CCDC110: variants seen among roughly 807,000 people sequenced by gnomAD.
The protein encoded by CCDC110 is coiled-coil domain containing 110.
A neutral mutation model predicts 77.1 loss-of-function variants in CCDC110; 70 were observed. The ratio of observed to expected loss-of-function variants is 0.91; its 90% CI spans 0.75 to 1.11. CCDC110 has a LOEUF of 1.11. Ranked by LOEUF, CCDC110 falls within the 50% of genes least tolerant of loss-of-function variation. The pLI is 0.00. For missense variants in CCDC110, 868 were observed against 942.9 expected, an observed-to-expected ratio of 0.92 and a Z score of 1.04; for synonymous variants, 295 against 312.5, an observed-to-expected ratio of 0.94 and a Z score of 0.59.
At chr4:185,463,117 A>G (rs1406372150) in intron 2 of CCDC110, 68 bp from the exon 3 acceptor site, 2 of 1,219,076 alleles carry the variant, frequency 1.6e-6, no homozygotes, top group African/African-American at 3.0e-5. Flanking sequence ...CCTGTAATAG[A>G]AAGCAGTCTC....
intron 6 of CCDC110, among the ~76,000 whole-genome samples, chr4:185,450,343 C>G (rs2095627009): frequency 6.6e-6 from 1 of 152,150 alleles, no homozygotes; most frequent in African/African-American, 2.4e-5. Context: ...TTCGTGTCCT[C>G]CCATGTTCCT....
chr4:185,462,600 C>T, intron 4 of CCDC110, 43 bp downstream of exon 4: 1 of 1,474,964 alleles, frequency 6.8e-7, no homozygotes, highest in Non-Finnish European at 9.5e-7. Flanking sequence ...TGGGATGATA[C>T]TTCAAGGTGA....
chr4:185,452,888 CAAA>C (rs70962569), intron 6 of CCDC110, among the ~76,000 whole-genome samples: 149 of 67,216 alleles, frequency 2.2e-3, no homozygotes, highest in Middle Eastern at 8.9e-3. Context: ...GAGTGAGACT[CAAA>C]AAAAAAAAAA....
intron 4 of CCDC110, 60 bp from the exon 5 acceptor site, chr4:185,461,219 G>T (rs1243947864): frequency 6.2e-6 from 5 of 804,886 alleles, no homozygotes; most frequent in Non-Finnish European, 1.0e-5. Context: ...GAATGTACAG[G>T]AATAATAGAC....
At chr4:185,447,096 T>C (rs1246109497) in intron 6 of CCDC110, among the ~76,000 whole-genome samples, 2 of 152,232 alleles carry the variant, frequency 1.3e-5, no homozygotes, top group African/African-American at 2.4e-5. Context: ...CTCAAACCTG[T>C]CTTTTATGTG....
At position 185,458,238 on chromosome 4, in the gene CCDC110, A is replaced by G; in HGVS notation, c.2349T>C (p.Asn783=). 1 of 1,602,646 alleles carries G rather than the reference A, an allele frequency of 6.2e-7. No homozygotes were observed. Among genetic ancestry groups the G allele is most frequent in the Non-Finnish European group, 8.5e-7 (1 of 1,177,160 alleles). The change falls in exon 6 of 7, where the codon AAT becomes AAC. Residue 783 remains asparagine, a synonymous_variant. Coordinates refer to ENST00000307588, the MANE Select transcript of CCDC110 (RefSeq NM_152775.4). ...AAATGTAAGTTGTTTTTGAAGGGTC[A>G]TTATGCTGATTACAAATTTTATCAC... is the stretch of plus-strand genomic sequence containing the variant. ...SLSDKICNQH[N]DPSKTTYISR...
At chr4:185,450,449 T>TTAAAAA (rs2095627154) in intron 6 of CCDC110, among the ~76,000 whole-genome samples, 1 of 152,140 alleles carries the variant, frequency 6.6e-6, no homozygotes, top group Non-Finnish European at 1.5e-5. Context: ...CCTATCTCTT[T>TTAAAAA]TAAAAATATC....
intron 2 of CCDC110, among the ~76,000 whole-genome samples, chr4:185,464,494 G>A (rs1279216801): frequency 6.6e-6 from 1 of 152,054 alleles, no homozygotes; most frequent in African/African-American, 2.4e-5. Flanking sequence ...CTAAACTCCT[G>A]GTATCCTGAA....
At chr4:185,465,946 A>T (rs1426587552) in intron 2 of CCDC110, among the ~76,000 whole-genome samples, 1 of 152,210 alleles carries the variant, frequency 6.6e-6, no homozygotes, top group Non-Finnish European at 1.5e-5. Flanking sequence ...ACAGTAGAGT[A>T]GGAACATACT....
chr4:185,460,248 TAAG>T lies in CCDC110; in HGVS notation c.349-13_349-11del, dbSNP rs781437212. ...CTTGATTCTCTGTAGGCTGTAACAA[TAAG>T]AAGTACACTATAAATGTATTGTCAT... On this transcript the variant is annotated splice_polypyrimidine_tract_variant and intron_variant, in intron 5 of 6. Transcript: ENST00000307588. The T allele has an allele frequency of 3.8e-6, 6 of 1,573,332 alleles. No individual in the cohort carries two copies. The highest frequency in any genetic ancestry group is 4.5e-5 in the East Asian group (2 of 44,704).
Position 185,459,640 on chromosome 4 carries a change from T to C in CCDC110, c.947A>G (p.Glu316Gly), listed in dbSNP as rs1263957083. Reference sequence around the variant, plus strand: ...GGGGAGTAATTTCTTCACTAATGCCTCTAATTCTGAAATTCTCTTTGATTT... The same window carrying C: ...GGGGAGTAATTTCTTCACTAATGCCCCTAATTCTGAAATTCTCTTTGATTT... ...DIKSKRISELEALVKKLLPFR... is the reference protein window; with the variant it reads ...DIKSKRISELGALVKKLLPFR... Residue 316 changes from glutamate (E) to glycine (G), a missense_variant, in exon 6 of 7, where the codon GAG becomes GGG. By Grantham distance (98) the Glu-to-Gly change is moderately conservative. Coordinates refer to ENST00000307588, the MANE Select transcript of CCDC110 (RefSeq NM_152775.4). The C allele has an allele frequency of 6.2e-7, 1 of 1,611,574 alleles. No individual in the cohort carries two copies. The highest frequency in any genetic ancestry group is 8.5e-7 in the Non-Finnish European group (1 of 1,179,200).
At chr4:185,453,935 T>A (rs921947275) in intron 6 of CCDC110, among the ~76,000 whole-genome samples, 11 of 151,760 alleles carry the variant, frequency 7.2e-5, no homozygotes, top group African/African-American at 2.7e-4. Flanking sequence ...TGCCTCAGTC[T>A]CCTGAGTAGC....
At position 185,459,049 on chromosome 4, in the gene CCDC110, CTA is replaced by C. The variant is rs1423702982; in HGVS notation, c.1536_1537del (p.Ile512MetfsTer2). 1 of 1,567,908 alleles carries C rather than the reference CTA, an allele frequency of 6.4e-7. No homozygotes were observed. Among genetic ancestry groups the C allele is most frequent in the South Asian group, 1.2e-5 (1 of 84,086 alleles). The stretch of plus-strand genomic sequence containing the variant: ...TTGGCCTTGCAGAACATTATATTTA[CTA>C]ATTATTTTTTTAAATTCTTTAAGAC... On this transcript the variant is annotated frameshift_variant, in exon 6 of 7. Transcript: ENST00000307588. LOFTEE classifies it high-confidence loss of function.
chr4:185,449,598 C>T (rs1055714623), intron 6 of CCDC110: 1 of 1,536,670 alleles, frequency 6.5e-7, no homozygotes, highest in Non-Finnish European at 8.8e-7. Flanking sequence ...AATTTTAGGG[C>T]ACTAAATTCA....
intron 6 of CCDC110, among the ~76,000 whole-genome samples, chr4:185,454,464 A>G (rs1015023829): frequency 6.6e-5 from 10 of 152,076 alleles, no homozygotes; most frequent in African/African-American, 2.2e-4. Flanking sequence ...CTGTAATCCC[A>G]GCACTTTGGG....
rs2095665185 is a variant in CCDC110, at chr4:185,470,999, A to G, written c.61T>C (p.Ser21Pro). The part of the protein sequence containing the change: ...DEVDSVLLSA[S>P]KILNSSEGVK... ...CCCTCCGAAGAATTTAGGATCTTGGACGCTGAAAGGAGAACGGAGTCAACT... is the reference window on the plus strand; with the variant it reads ...CCCTCCGAAGAATTTAGGATCTTGGGCGCTGAAAGGAGAACGGAGTCAACT... Residue 21 changes from serine (S) to proline (P), a missense_variant, in exon 2 of 7, where the codon TCC (serine) becomes CCC (proline). Coordinates refer to ENST00000307588, the MANE Select transcript of CCDC110 (RefSeq NM_152775.4). The G allele has an allele frequency of 6.2e-7, 1 of 1,606,988 alleles. No homozygotes were observed. Among genetic ancestry groups the G allele is most frequent in the Non-Finnish European group, 8.5e-7 (1 of 1,178,548 alleles).
chr4:185,446,720 C>T (rs1257454830), intron 6 of CCDC110, among the ~76,000 whole-genome samples: 2 of 39,604 alleles, frequency 5.0e-5, no homozygotes, highest in Non-Finnish European at 1.7e-4. Context: ...TATCTATAGC[C>T]CACAACATTT....
At chr4:185,465,959 A>G (rs2095654928) in intron 2 of CCDC110, among the ~76,000 whole-genome samples, 1 of 152,208 alleles carries the variant, frequency 6.6e-6, no homozygotes, top group South Asian at 2.1e-4. Context: ...AACATACTTT[A>G]GGAGAAAAAC....
intron 2 of CCDC110, among the ~76,000 whole-genome samples, chr4:185,467,670 T>G (rs2153324720): frequency 6.6e-6 from 1 of 152,312 alleles, no homozygotes; most frequent in Admixed American, 6.5e-5. Context: ...TTGAGGTAAT[T>G]TTTATTCTGA....
Sources: gnomAD v4.1 joint callset for allele counts (sites outside exome capture counted in the v4.1 genomes callset) on GRCh38, gnomAD v4.1.1 for gene constraint, MANE v1.5 for transcripts, NCBI Gene and HGNC (gene_info 2026-07-23, HGNC 2026-07-21) for gene names.